Variants in IPO9 observed in about 807,000 individuals in gnomAD.
IPO9 encodes the protein importin-9.
In IPO9, 28 loss-of-function variants were observed where a neutral mutation model predicts 128.6. The ratio of observed to expected loss-of-function variants is 0.22; its 90% CI spans 0.16 to 0.30. The LOEUF (loss-of-function observed/expected upper bound fraction) is 0.30. IPO9 is among the 10% of genes least tolerant of loss of function. The pLI, the probability that IPO9 is intolerant of heterozygous loss-of-function variation, is 1.00. For synonymous variants in IPO9, 455 were observed against 475.8 expected, an observed-to-expected ratio of 0.96 and a Z score of 0.57; for missense variants, 935 against 1,293.9, an observed-to-expected ratio of 0.72 and a Z score of 4.26.
chr1:201,841,367 G>T (rs1680032823), intron 1 of IPO9, among the ~76,000 whole-genome samples: 1 of 152,180 alleles, frequency 6.6e-6, no homozygotes, highest in African/African-American at 2.4e-5. Context: ...TATAGATGAT[G>T]AGAGCCAAGT....
Position 201,857,088 on chromosome 1 carries a change from CT to C in IPO9, c.1123-4del, listed in dbSNP as rs772956978. The C allele has an allele frequency of 7.1e-6, 11 of 1,545,326 alleles. No individual in the cohort carries two copies. In the African/African-American group the frequency reaches 1.5e-4, roughly 21 times the overall value. On this transcript the variant is annotated splice_region_variant and splice_polypyrimidine_tract_variant and intron_variant, in intron 10 of 23. Coordinates refer to ENST00000361565, the MANE Select transcript of IPO9 (RefSeq NM_018085.5). ...CAGCATCACAAAGACATAACTTGAT[CT>C]TTTCAGATTAAAGTATGGACAGCCA...
chr1:201,834,814 T>A (rs966734200), intron 1 of IPO9: 2 of 152,220 alleles, frequency 1.3e-5, no homozygotes, highest in African/African-American at 4.8e-5. Context: ...GGAAATTATC[T>A]CTCCCTCACC....
rs190896967 is a variant in IPO9, at chr1:201,842,224, T to G, written c.164-5055T>G. Reference sequence around the variant, plus strand: ...AATTTGCTAGAGCAGCTCACAGAACTTAGGGAAATGCTTTTACAGATTTTT... The same window carrying G: ...AATTTGCTAGAGCAGCTCACAGAACGTAGGGAAATGCTTTTACAGATTTTT... On this transcript the variant is annotated intron_variant, in intron 1 of 23. Coordinates refer to ENST00000361565, the MANE Select transcript of IPO9 (RefSeq NM_018085.5). 2.4e-3 allele frequency among the ~76,000 whole-genome samples: 368 copies of G among 152,286 alleles called. 1 individual carries two copies. Among genetic ancestry groups the G allele is most frequent in the African/African-American group, 8.7e-3 (361 of 41,552 alleles).
chr1:201,853,820 C>T (rs1219780860), intron 6 of IPO9, among the ~76,000 whole-genome samples: 1 of 152,208 alleles, frequency 6.6e-6, no homozygotes, highest in African/African-American at 2.4e-5. Context: ...CTCACTGCAA[C>T]GTCCGCCTCC....
intron 14 of IPO9, among the ~76,000 whole-genome samples, chr1:201,866,216 G>T (rs968023889): frequency 6.6e-6 from 1 of 151,960 alleles, no homozygotes; most frequent in African/African-American, 2.4e-5. Context: ...TCTCAAGTTC[G>T]AAGAGAACAA....
intron 3 of IPO9, 133 bp from the exon 4 acceptor site, chr1:201,848,260 T>A: frequency 1.4e-6 from 1 of 707,470 alleles, no homozygotes; most frequent in Non-Finnish European, 2.5e-6. Flanking sequence ...TTGTCAAGTT[T>A]GTGTATAGGA....
intron 15 of IPO9, among the ~76,000 whole-genome samples, chr1:201,867,360 G>A (rs1373056144): frequency 6.6e-6 from 1 of 151,848 alleles, no homozygotes; most frequent in African/African-American, 2.4e-5. Flanking sequence ...TATAAACAAA[G>A]GTATTCACTA....
chr1:201,831,209 C>T (rs1331730127), intron 1 of IPO9, among the ~76,000 whole-genome samples: 1 of 152,132 alleles, frequency 6.6e-6, no homozygotes. Flanking sequence ...TTCAGAAGTA[C>T]AGAATTTTGA....
At position 201,869,509 on chromosome 1, in the gene IPO9, C is replaced by T; in HGVS notation, c.2005-81C>T. On this transcript the variant is annotated intron_variant, in intron 16 of 23. Coordinates refer to ENST00000361565, the MANE Select transcript of IPO9 (RefSeq NM_018085.5). The stretch of plus-strand genomic sequence containing the variant: ...GCTTTCTCTGGGTTGCTATGTAATA[C>T]CCATCCAGTAAGGATCTTGGTTGTT... 15 of 1,531,026 alleles carry T rather than the reference C, an allele frequency of 9.8e-6. No homozygotes were observed. The South Asian group carries it at 1.8e-4, about 19-fold the overall frequency. 94.8% of individuals were successfully genotyped at this position (1,531,026 alleles called of 1,614,324 possible).
Position 201,866,798 on chromosome 1 carries a change from T to A in IPO9, c.1694T>A (p.Leu565His). 1.9e-6 allele frequency: 3 copies of A among 1,614,164 alleles called. No individual in the cohort carries two copies. The highest frequency in any genetic ancestry group is 2.5e-6 in the Non-Finnish European group (3 of 1,180,028). Residue 565 changes from leucine to histidine, a missense_variant, in exon 15 of 24, where the codon CTT becomes CAT. Physicochemically the swap from Leu to His is moderately conservative, Grantham distance 99. This residue lies in a region of IPO9 where 741 missense variants were observed against 1,019.1 expected (regional missense o/e 0.73). Coordinates refer to ENST00000361565, the MANE Select transcript of IPO9 (RefSeq NM_018085.5). ...HVLQPFLPSILDGLIHLAAQF... is the reference protein window; with the variant it reads ...HVLQPFLPSIHDGLIHLAAQF... ...CTCCAGCCCTTCCTCCCCAGCATCCTTGATGGCTTAATTCACCTAGCAGCC... is the reference window on the plus strand; with the variant it reads ...CTCCAGCCCTTCCTCCCCAGCATCCATGATGGCTTAATTCACCTAGCAGCC...
intron 10 of IPO9, among the ~76,000 whole-genome samples, chr1:201,856,514 A>G (rs1384553322): frequency 6.6e-6 from 1 of 152,228 alleles, no homozygotes; most frequent in East Asian, 1.9e-4. Flanking sequence ...GATCTATCAA[A>G]GGGTAACAGC....
At chr1:201,864,564 T>C (rs1208323207) in intron 14 of IPO9, among the ~76,000 whole-genome samples, 2 of 152,258 alleles carry the variant, frequency 1.3e-5, no homozygotes, top group Non-Finnish European at 2.9e-5. Flanking sequence ...TGAAACTTGA[T>C]TTCATTGGAG....
intron 13 of IPO9, among the ~76,000 whole-genome samples, chr1:201,861,603 A>G (rs1326626829): frequency 6.6e-6 from 1 of 152,206 alleles, no homozygotes; most frequent in African/African-American, 2.4e-5. Context: ...GTTTATCAGG[A>G]AGTAACCCCA....
At chr1:201,874,987 A>G in intron 22 of IPO9, 51 bp downstream of exon 22, 1 of 1,442,680 alleles carries the variant, frequency 6.9e-7, no homozygotes, top group Non-Finnish European at 9.8e-7. Flanking sequence ...TTCTTTGCAC[A>G]CTGATCCCAA....
chr1:201,853,170 C>T, intron 6 of IPO9, 73 bp downstream of exon 6: 1 of 1,178,458 alleles, frequency 8.5e-7, no homozygotes, highest in East Asian at 2.3e-5. Flanking sequence ...TGAGTCATTT[C>T]ATGATAGCAG....
Position 201,872,630 on chromosome 1 carries a change from C to A in IPO9, c.2577-198C>A, listed in dbSNP as rs547809275. Among the ~76,000 whole-genome samples the A allele has an allele frequency of 1.9e-4, 29 of 151,164 alleles. No individual in the cohort carries two copies. The South Asian group carries it at 6.0e-3, about 31-fold the overall frequency. On this transcript the variant is annotated intron_variant, in intron 19 of 23. Coordinates refer to ENST00000361565, the MANE Select transcript of IPO9 (RefSeq NM_018085.5). The stretch of plus-strand genomic sequence containing the variant: ...AAAACAACAACAACAACAACAACAA[C>A]AAAAAAGCACAGATCTCATTAAACC...
intron 4 of IPO9, 113 bp downstream of exon 4, chr1:201,848,707 T>C (rs1680163629): frequency 1.0e-6 from 1 of 991,410 alleles, no homozygotes; most frequent in Non-Finnish European, 1.5e-6. Context: ...GCTGATGTTA[T>C]TCCTCCCTCC....
chr1:201,845,050 C>A (rs890366516), intron 1 of IPO9, among the ~76,000 whole-genome samples: 1 of 151,526 alleles, frequency 6.6e-6, no homozygotes, highest in African/African-American at 2.4e-5. Flanking sequence ...GAGTTTCCCT[C>A]TTGTTGCCCA....
chr1:201,872,128 G>A lies in IPO9; in HGVS notation c.2577-700G>A, dbSNP rs1218195871. On this transcript the variant is annotated intron_variant, in intron 19 of 23. Transcript: ENST00000361565. The stretch of plus-strand genomic sequence containing the variant: ...TGGGTGCCTGTAATCCCAGCTACTC[G>A]GGAGGCTAAGGCAGGAGAATCGCTT... Among the ~76,000 whole-genome samples the A allele has an allele frequency of 5.3e-5, 8 of 152,190 alleles. No individual in the cohort carries two copies. The South Asian group carries it at 6.2e-4, about 12-fold the overall frequency.
Sources: allele counts gnomAD v4.1 joint callset (sites outside exome capture counted in the v4.1 genomes callset), GRCh38; gene constraint gnomAD v4.1.1; regional missense constraint gnomAD v4.1.1; transcripts MANE v1.5; gene names NCBI Gene and HGNC (gene_info 2026-07-23, HGNC 2026-07-21).